Variants in ATG7 observed in about 807,000 individuals in gnomAD.
The protein encoded by ATG7 is ubiquitin-like modifier-activating enzyme ATG7.
ATG7 carries 70 observed loss-of-function variants against 82.4 expected under a neutral mutation model. That is an observed-to-expected ratio of 0.85 (90% CI 0.70 to 1.04). The LOEUF is 1.04. ATG7 is among the 50% of genes least tolerant of loss of function. The probability of loss-of-function intolerance (pLI) is 0.00; values close to 1 mark genes in which losing one functional copy is unlikely to be tolerated. For missense variants in ATG7, 792 were observed against 864.3 expected, an observed-to-expected ratio of 0.92 and a Z score of 1.05; for synonymous variants, 287 against 313.0, an observed-to-expected ratio of 0.92 and a Z score of 0.88.
chr3:11,321,510 G>A (rs1367754199), intron 9 of ATG7, among the ~76,000 whole-genome samples: 1 of 152,164 alleles, frequency 6.6e-6, no homozygotes, highest in Non-Finnish European at 1.5e-5. Context: ...GCATTTTACA[G>A]ATGAGATGAA....
intron 12 of ATG7, among the ~76,000 whole-genome samples, chr3:11,341,735 G>A (rs1426184243): frequency 1.3e-5 from 2 of 152,166 alleles, no homozygotes; most frequent in Non-Finnish European, 2.9e-5. Flanking sequence ...GGCGTGAGCC[G>A]CTGTGCCTGG....
intron 11 of ATG7, among the ~76,000 whole-genome samples, chr3:11,338,150 C>G (rs1008820666): frequency 6.6e-6 from 1 of 152,088 alleles, no homozygotes; most frequent in African/African-American, 2.4e-5. Context: ...TGCTGTTCCC[C>G]TTTGTGTCCA....
At chr3:11,548,133 C>CT (rs2071444314) in intron 20 of ATG7, among the ~76,000 whole-genome samples, 1 of 152,188 alleles carries the variant, frequency 6.6e-6, no homozygotes, top group Non-Finnish European at 1.5e-5. Flanking sequence ...CATGAGCCAC[C>CT]ACGCTTGGAC....
chr3:11,466,335 C>A (rs188876479), intron 20 of ATG7, among the ~76,000 whole-genome samples: 10 of 152,346 alleles, frequency 6.6e-5, no homozygotes, highest in Admixed American at 5.2e-4. Context: ...TGAGAAAATT[C>A]TTCAGCAAAT....
At chr3:11,408,026 T>A (rs1001336758) in intron 19 of ATG7, among the ~76,000 whole-genome samples, 1 of 152,242 alleles carries the variant, frequency 6.6e-6, no homozygotes, top group African/African-American at 2.4e-5. Context: ...GGGATTTTCT[T>A]TTCTATTGCA....
chr3:11,547,804 A>G (rs1189186365), intron 20 of ATG7, among the ~76,000 whole-genome samples: 1 of 152,146 alleles, frequency 6.6e-6, no homozygotes, highest in African/African-American at 2.4e-5. Context: ...CTTCTTAGCA[A>G]TTTGTGTCTT....
chr3:11,306,586 T>TG (rs987557568), intron 5 of ATG7, among the ~76,000 whole-genome samples: 16 of 152,224 alleles, frequency 1.1e-4, no homozygotes, highest in African/African-American at 3.9e-4. Flanking sequence ...AACCTTTAAA[T>TG]GGGGGAAAAG....
At chr3:11,559,502 G>C, downstream of ATG7, 6 of 1,501,440 alleles carry the variant, frequency 4.0e-6, no homozygotes, top group Non-Finnish European at 5.4e-6. Flanking sequence ...CTTCAGTACC[G>C]GGCACCACCC....
At chr3:11,551,733 A>G (rs1007182678) in intron 20 of ATG7, among the ~76,000 whole-genome samples, 1 of 148,472 alleles carries the variant, frequency 6.7e-6, no homozygotes, top group African/African-American at 2.5e-5. Context: ...CCCAGCCAAT[A>G]TAATGGGTTC....
intron 19 of ATG7, among the ~76,000 whole-genome samples, chr3:11,392,302 A>G (rs2078878488): frequency 6.6e-6 from 1 of 152,064 alleles, no homozygotes; most frequent in Admixed American, 6.6e-5. Flanking sequence ...GCTGCTAAGA[A>G]TCCAAGACAG....
At chr3:11,414,560 T>C (rs1337020701) in intron 19 of ATG7, among the ~76,000 whole-genome samples, 1 of 152,230 alleles carries the variant, frequency 6.6e-6, no homozygotes, top group African/African-American at 2.4e-5. Context: ...CTTATTTCAT[T>C]AGCTAGGCCT....
intron 20 of ATG7, among the ~76,000 whole-genome samples, chr3:11,442,146 T>C (rs1349936127): frequency 6.6e-6 from 1 of 152,178 alleles, no homozygotes; most frequent in Non-Finnish European, 1.5e-5. Context: ...TACAATGTTA[T>C]CATCCAGTAC....
chr3:11,488,562 C>G (rs1384412511), intron 20 of ATG7: 24 of 866,096 alleles, frequency 2.8e-5, no homozygotes, highest in Non-Finnish European at 2.2e-5. Context: ...CCAACCACCA[C>G]CCGCGGCCAC....
At chr3:11,552,697 A>G (rs2071924323) in intron 20 of ATG7, among the ~76,000 whole-genome samples, 2 of 152,158 alleles carry the variant, frequency 1.3e-5, no homozygotes, top group South Asian at 4.1e-4. Context: ...ATCCCCGCAC[A>G]ATAAGTCTTC....
At chr3:11,407,491 G>A (rs929042580) in intron 19 of ATG7, among the ~76,000 whole-genome samples, 1 of 152,188 alleles carries the variant, frequency 6.6e-6, no homozygotes, top group African/African-American at 2.4e-5. Flanking sequence ...GCTTCACTAG[G>A]CAGTGCCCCA....
At chr3:11,503,105 A>C (rs937853748) in intron 20 of ATG7, among the ~76,000 whole-genome samples, 2 of 152,174 alleles carry the variant, frequency 1.3e-5, no homozygotes, top group African/African-American at 4.8e-5. Flanking sequence ...TCCAGGCAGG[A>C]GAGTGGGCAG....
chr3:11,341,311 C>T (rs750899157), intron 12 of ATG7, among the ~76,000 whole-genome samples: 16 of 152,022 alleles, frequency 1.1e-4, no homozygotes, highest in Admixed American at 2.0e-4. Context: ...CCACCTGCCT[C>T]GGCCTCCCAA....
chr3:11,351,869 T>C (rs1381630212), intron 14 of ATG7, among the ~76,000 whole-genome samples: 7 of 151,510 alleles, frequency 4.6e-5, no homozygotes, highest in South Asian at 2.1e-4. Context: ...TTTTTTATTA[T>C]ACTTTAAGTT....
intron 19 of ATG7, among the ~76,000 whole-genome samples, chr3:11,387,356 A>G (rs539331788): frequency 1.9e-4 from 29 of 152,108 alleles, no homozygotes; most frequent in Non-Finnish European, 2.8e-4. Flanking sequence ...AAGACTACCT[A>G]ATTAGTAGTT....
Sources: gnomAD v4.1 joint callset for allele counts (sites outside exome capture counted in the v4.1 genomes callset) on GRCh38, gnomAD v4.1.1 for gene constraint, MANE v1.5 for transcripts, NCBI Gene and HGNC (gene_info 2026-07-23, HGNC 2026-07-21) for gene names.